The following SGCD variants were observed in gnomAD, a reference collection of about 807,000 sequenced individuals.
The protein encoded by SGCD is delta-sarcoglycan.
A neutral mutation model predicts 36.6 loss-of-function variants in SGCD; 18 were observed. The ratio of observed to expected loss-of-function variants is 0.49; its 90% CI spans 0.34 to 0.73. The LOEUF is 0.73. Among genes scored for constraint, SGCD ranks in the 30% least tolerant of loss-of-function variants. The probability of loss-of-function intolerance (pLI) is 0.01; values close to 1 mark genes in which losing one functional copy is unlikely to be tolerated. For missense variants in SGCD, 387 were observed against 346.7 expected, an observed-to-expected ratio of 1.12 and a Z score of -0.92; for synonymous variants, 133 against 130.6, an observed-to-expected ratio of 1.02 and a Z score of -0.12.
chr5:156,073,333 G>A (rs1405415129), intron 1 of SGCD, among the ~76,000 whole-genome samples: 1 of 152,132 alleles, frequency 6.6e-6, no homozygotes, highest in African/African-American at 2.4e-5. Context: ...CAAGGTGGGA[G>A]GATTACTTTA....
chr5:156,696,592 G>A (rs2113718540), intron 7 of SGCD, among the ~76,000 whole-genome samples: 1 of 152,176 alleles, frequency 6.6e-6, no homozygotes, highest in East Asian at 1.9e-4. Flanking sequence ...TCACAGCAGA[G>A]GTTGCCTCCC....
chr5:156,541,316 C>T (rs1241835628), intron 4 of SGCD, among the ~76,000 whole-genome samples: 5 of 152,078 alleles, frequency 3.3e-5, no homozygotes, highest in African/African-American at 1.2e-4. Context: ...ATAGATCTTA[C>T]AAAGTTGATT....
At chr5:156,179,458 T>G (rs578088184) in intron 3 of SGCD, among the ~76,000 whole-genome samples, 1 of 152,268 alleles carries the variant, frequency 6.6e-6, no homozygotes, top group South Asian at 2.1e-4. Context: ...AGTTGTATAC[T>G]TACTGAGTTT....
intron 4 of SGCD, among the ~76,000 whole-genome samples, chr5:156,537,332 C>T (rs1581133985): frequency 1.3e-5 from 2 of 152,142 alleles, no homozygotes; most frequent in African/African-American, 2.4e-5. Flanking sequence ...CCTATCCTGC[C>T]TCTAGTACCT....
intron 3 of SGCD, among the ~76,000 whole-genome samples, chr5:156,384,447 C>G (rs954030736): frequency 1.3e-5 from 2 of 152,090 alleles, no homozygotes; most frequent in South Asian, 2.1e-4. Context: ...ACTTGGCTCT[C>G]TTTCACTAGG....
At chr5:156,025,320 G>A (rs1377174286) in intron 1 of SGCD, among the ~76,000 whole-genome samples, 2 of 152,130 alleles carry the variant, frequency 1.3e-5, no homozygotes, top group African/African-American at 4.8e-5. Context: ...CTCATTAGTT[G>A]GAGCAAGTCA....
intron 1 of SGCD, among the ~76,000 whole-genome samples, chr5:155,957,841 A>G (rs1460123463): frequency 6.6e-6 from 1 of 152,148 alleles, no homozygotes. Context: ...TAGGACATGG[A>G]CATCTTTGGG....
At chr5:155,870,353 A>T (rs930372039) in exon 1 of SGCD, 1 of 152,218 alleles carries the variant, frequency 6.6e-6, no homozygotes, top group African/African-American at 2.4e-5. Flanking sequence ...GGTGATATCT[A>T]TTGAAGCTGG....
chr5:156,380,191 T>G (rs972683097), intron 3 of SGCD, among the ~76,000 whole-genome samples: 1 of 152,194 alleles, frequency 6.6e-6, no homozygotes, highest in African/African-American at 2.4e-5. Flanking sequence ...CAGGCTCTTT[T>G]AAGCTCATCT....
At chr5:156,006,639 A>G (rs1305973068) in intron 1 of SGCD, among the ~76,000 whole-genome samples, 2 of 152,224 alleles carry the variant, frequency 1.3e-5, no homozygotes, top group African/African-American at 4.8e-5. Flanking sequence ...GATAAAATAT[A>G]AAAACGCATT....
chr5:156,414,225 C>G (rs1772914281), intron 3 of SGCD, among the ~76,000 whole-genome samples: 1 of 152,158 alleles, frequency 6.6e-6, no homozygotes, highest in Non-Finnish European at 1.5e-5. Context: ...CATTTTATTG[C>G]ATTTTCTAAA....
intron 3 of SGCD, among the ~76,000 whole-genome samples, chr5:156,269,935 C>T (rs11953745): frequency 0.082 from 12,540 of 152,238 alleles, 1,177 homozygotes; most frequent in African/African-American, 0.23. Context: ...ATCTTCATCA[C>T]GAAATCCTTG....
chr5:155,865,912 C>G (rs1032104875), upstream of SGCD, among the ~76,000 whole-genome samples: 6 of 152,172 alleles, frequency 3.9e-5, no homozygotes, highest in African/African-American at 7.2e-5. Flanking sequence ...AGTTTCTCTT[C>G]TTTCATTTTC....
In SGCD at chr5:156,544,835, C is replaced by T. The variant is rs145204712; in HGVS notation, c.294+36133C>T. Reference sequence around the variant, plus strand: ...TCATATATTGTCACCCTTATCTTAACGAGCACTTGGAACTGGATGTTAATA... The same window carrying T: ...TCATATATTGTCACCCTTATCTTAATGAGCACTTGGAACTGGATGTTAATA... On this transcript the variant is annotated intron_variant, in intron 4 of 8. Coordinates refer to ENST00000337851, the MANE Select transcript of SGCD (RefSeq NM_000337.6). Among the ~76,000 whole-genome samples, 448 of 152,192 alleles carry T rather than the reference C, an allele frequency of 2.9e-3. 6 individuals are homozygous for T. Among genetic ancestry groups the T allele is most frequent in the Non-Finnish European group, 2.4e-3 (164 of 68,008 alleles).
At chr5:156,305,968 G>C (rs1451052086) in intron 3 of SGCD, among the ~76,000 whole-genome samples, 1 of 151,044 alleles carries the variant, frequency 6.6e-6, no homozygotes, top group Non-Finnish European at 1.5e-5. Context: ...TTTACCCAAT[G>C]CCTGTACCCC....
chr5:155,979,627 C>T (rs560722789), intron 1 of SGCD, among the ~76,000 whole-genome samples: 5 of 152,296 alleles, frequency 3.3e-5, no homozygotes, highest in African/African-American at 1.2e-4. Context: ...CACAATTATG[C>T]CTAGTGGAGG....
the SGCD span, among the ~76,000 whole-genome samples, chr5:155,729,276 G>T: frequency 6.6e-6 from 1 of 152,234 alleles, no homozygotes; most frequent in Non-Finnish European, 1.5e-5. Context: ...CCGCCCGCGC[G>T]TTAAGCTAGC....
intron 1 of SGCD, among the ~76,000 whole-genome samples, chr5:155,880,913 C>T (rs1362133389): frequency 6.6e-6 from 1 of 152,046 alleles, no homozygotes; most frequent in Non-Finnish European, 1.5e-5. Context: ...CCATTTGACT[C>T]CTAGGTGAGC....
intron 6 of SGCD, among the ~76,000 whole-genome samples, chr5:156,632,760 C>T (rs1762683722): frequency 6.6e-6 from 1 of 152,106 alleles, no homozygotes; most frequent in South Asian, 2.1e-4. Context: ...TGGCATTTTC[C>T]CTTCAAAGAG....
Sources: allele counts gnomAD v4.1 joint callset (sites outside exome capture counted in the v4.1 genomes callset), GRCh38; gene constraint gnomAD v4.1.1; transcripts MANE v1.5; gene names NCBI Gene and HGNC (gene_info 2026-07-23, HGNC 2026-07-21).